The following POLR1A variants were observed in gnomAD, a reference collection of about 807,000 sequenced individuals.
POLR1A encodes the protein RNA polymerase I subunit A, also known as DNA-directed RNA polymerase I subunit RPA1.
POLR1A carries 84 observed loss-of-function variants against 205.3 expected under a neutral mutation model. The ratio of observed to expected loss-of-function variants is 0.41; its 90% CI spans 0.34 to 0.49. The LOEUF is 0.49. POLR1A is among the 20% of genes least tolerant of loss of function. The pLI is 0.22. For missense variants in POLR1A, 1,645 were observed against 2,204.5 expected (o/e 0.75, Z 5.08); for synonymous variants, 799 against 863.7 (o/e 0.93, Z 1.31).
chr2:86,089,552 T>A (rs573888288), intron 4 of POLR1A, among the ~76,000 whole-genome samples: 6 of 152,360 alleles, frequency 3.9e-5, no homozygotes, highest in African/African-American at 1.2e-4. Context: ...CCTGCTGCCA[T>A]TTTTTAAGAA....
intron 24 of POLR1A, among the ~76,000 whole-genome samples, chr2:86,041,259 G>C (rs1416408690): frequency 6.7e-6 from 1 of 149,378 alleles, no homozygotes; most frequent in African/African-American, 2.5e-5. Flanking sequence ...GTGTGTGTGT[G>C]TGTGTGTGCT....
At chr2:86,066,848 T>C in intron 13 of POLR1A, among the ~76,000 whole-genome samples, 1 of 152,340 alleles carries the variant, frequency 6.6e-6, no homozygotes, top group East Asian at 1.9e-4. Flanking sequence ...CAGCCCCTCT[T>C]ATGAAGGCTT....
At chr2:86,040,678 G>A (rs531702596) in intron 24 of POLR1A, 119 bp from the exon 25 acceptor site, 6 of 746,106 alleles carry the variant, frequency 8.0e-6, no homozygotes, top group African/African-American at 3.5e-5. Flanking sequence ...TTCTGGACTC[G>A]TTTTTCCTAG....
At position 86,024,616 on chromosome 2, in the gene POLR1A, C is replaced by T. The variant is rs1690224366; in HGVS notation, c.*2807G>A. ...GAGACACTAAAAAAAATTAACTGGC[C>T]AGGCACGGTGGCTCACACCACCCAG... On this transcript the variant is annotated 3_prime_UTR_variant, in exon 34 of 34. Transcript: ENST00000263857. The T allele has an allele frequency of 6.6e-6, 1 of 152,178 alleles. No individual in the cohort carries two copies. Among genetic ancestry groups the T allele is most frequent in the African/African-American group, 2.4e-5 (1 of 41,418 alleles). 9.4% of individuals were successfully genotyped at this position (152,178 alleles called of 1,614,324 possible).
At chr2:86,030,831 G>A (rs1280218477) in intron 30 of POLR1A, among the ~76,000 whole-genome samples, 1 of 152,204 alleles carries the variant, frequency 6.6e-6, no homozygotes, top group Non-Finnish European at 1.5e-5. Context: ...GATCATCCAG[G>A]CTTTAAGGGA....
intron 1 of POLR1A, among the ~76,000 whole-genome samples, 171 bp from the exon 2 acceptor site, chr2:86,100,343 A>G (rs1297255993): frequency 6.6e-6 from 1 of 152,164 alleles, no homozygotes; most frequent in Non-Finnish European, 1.5e-5. Flanking sequence ...CAGAGTTGGT[A>G]CCCAATAGTT....
chr2:86,051,885 T>C (rs935636822), intron 16 of POLR1A, among the ~76,000 whole-genome samples: 1 of 152,204 alleles, frequency 6.6e-6, no homozygotes, highest in Non-Finnish European at 1.5e-5. Flanking sequence ...CCTCTTCGTG[T>C]CTTAGGATCA....
Position 86,070,177 on chromosome 2 carries a change from C to A in POLR1A, c.1707G>T (p.Leu569=). Residue 569 remains leucine (L), a synonymous_variant, in exon 13 of 34, where the codon CTG becomes CTT. Coordinates refer to ENST00000263857, the MANE Select transcript of POLR1A (RefSeq NM_015425.6). The surrounding 1 kb of genome is among the most constrained non-coding windows in gnomAD (Gnocchi z 4.4). ...PSIQAHRARI[L]PEEKVLRLHY... Reference sequence around the variant, plus strand: ...GGAGCCGCAGCACTTTCTCTTCAGGCAGGATGCGGGCACGGTGGGCCTGGA... The same window carrying A: ...GGAGCCGCAGCACTTTCTCTTCAGGAAGGATGCGGGCACGGTGGGCCTGGA... 1 of 1,614,182 alleles carries A rather than the reference C, an allele frequency of 6.2e-7. No individual in the cohort carries two copies. The highest frequency in any genetic ancestry group is 2.2e-5 in the East Asian group (1 of 44,890).
Position 86,027,393 on chromosome 2 carries a change from G to T in POLR1A, c.*30C>A. On this transcript the variant is annotated 3_prime_UTR_variant, in exon 34 of 34. Coordinates refer to ENST00000263857, the MANE Select transcript of POLR1A (RefSeq NM_015425.6). Reference sequence around the variant, plus strand: ...GGCCACGCCCTCACCAAGGGTCCTTGGAGCTGGGCAGATGGTGCCGGGGTA... The same window carrying T: ...GGCCACGCCCTCACCAAGGGTCCTTTGAGCTGGGCAGATGGTGCCGGGGTA... The T allele has an allele frequency of 1.3e-6, 2 of 1,574,710 alleles. No homozygotes were observed. The highest frequency in any genetic ancestry group is 1.1e-5 in the South Asian group (1 of 90,324).
rs1573804664 is a variant in POLR1A at position 86,038,790 on chromosome 2, T to C, written c.3944A>G (p.Tyr1315Cys). The C allele has an allele frequency of 3.7e-6, 6 of 1,614,006 alleles. No homozygotes were observed. The highest frequency in any genetic ancestry group is 5.1e-6 in the Non-Finnish European group (6 of 1,179,884). The change falls in exon 27 of 34, where the codon TAC (tyrosine) becomes TGC (cysteine). Residue 1315 changes from tyrosine (Y) to cysteine (C), a missense_variant. By Grantham distance (194) the Tyr-to-Cys change is radical. Around this residue, in one of 16 missense-constraint regions of POLR1A, gnomAD observed 394 missense variants for 468.5 expected, o/e 0.84. Transcript: ENST00000263857. ...MEEKQNKFQVYQLRFQFLPHA... is the reference protein window; with the variant it reads ...MEEKQNKFQVCQLRFQFLPHA... ...TGGCAGGAACTGAAACCGCAGCTGG[T>C]ACACCTGGAATTTGTTCTGTTTTTC...
chr2:86,036,675 C>A (rs913140086), intron 27 of POLR1A, among the ~76,000 whole-genome samples: 3 of 152,168 alleles, frequency 2.0e-5, no homozygotes, highest in African/African-American at 4.8e-5. Context: ...GAGTCCAGAC[C>A]GCACCCAGCT....
rs1003698284 is a variant in POLR1A, at chr2:86,070,188, C to T, written c.1696G>A (p.Ala566Thr). Residue 566 changes from alanine to threonine, a missense_variant, in exon 13 of 34, where the codon GCC becomes ACC. Physicochemically the swap from Ala to Thr is moderately conservative, Grantham distance 58. Around this residue, in one of 16 missense-constraint regions of POLR1A, gnomAD observed 17 missense variants for 29.4 expected, o/e 0.58. Coordinates refer to ENST00000263857, the MANE Select transcript of POLR1A (RefSeq NM_015425.6). The surrounding 1 kb of genome is among the most constrained non-coding windows in gnomAD (Gnocchi z 4.4). ...LHRPSIQAHR[A>T]RILPEEKVLR... ...ACTTTCTCTTCAGGCAGGATGCGGG[C>T]ACGGTGGGCCTGGATGGAGGGTCTG... is the stretch of plus-strand genomic sequence containing the variant. 6.2e-7 allele frequency: 1 copy of T among 1,614,182 alleles called. No individual in the cohort carries two copies.
In POLR1A at chr2:86,080,936, A is replaced by G. The variant is rs372688066; in HGVS notation, c.966T>C (p.Asn322=). ...VSRLGDQMFT[N]GQTVNLQAVM... ...CAGCCTGCAAGTTCACCGTCTGGCC[A>G]TTAGTAAACATCTGGTCTCCTAGGC... Residue 322 remains asparagine, a synonymous_variant, in exon 9 of 34, where the codon AAT becomes AAC. Transcript: ENST00000263857. The G allele has an allele frequency of 7.6e-5, 122 of 1,613,944 alleles. No homozygotes were observed. The highest frequency in any genetic ancestry group is 9.6e-5 in the Non-Finnish European group (113 of 1,179,934).
Position 86,028,407 on chromosome 2 carries a change from G to C in POLR1A, c.4897+187C>G, listed in dbSNP as rs1243761970. On this transcript the variant is annotated intron_variant, in intron 32 of 33. Coordinates refer to ENST00000263857, the MANE Select transcript of POLR1A (RefSeq NM_015425.6). This position sits in a 1 kb window ranked among gnomAD's most constrained non-coding sequence, Gnocchi z 4.5. ...CACCACTGAAGCGGTCTCAGTGATGGGAGACGTCACCTCTTCACAGATCTG... is the reference window on the plus strand; with the variant it reads ...CACCACTGAAGCGGTCTCAGTGATGCGAGACGTCACCTCTTCACAGATCTG... Among the ~76,000 whole-genome samples, 1 of 152,164 alleles carries C rather than the reference G, an allele frequency of 6.6e-6. No individual in the cohort carries two copies. The highest frequency in any genetic ancestry group is 1.5e-5 in the Non-Finnish European group (1 of 68,034).
chr2:86,055,932 G>A (rs1043547393), intron 14 of POLR1A, among the ~76,000 whole-genome samples: 5 of 152,036 alleles, frequency 3.3e-5, no homozygotes, highest in African/African-American at 9.7e-5. Flanking sequence ...TTCTAGCCAG[G>A]GCAGTTAGGC....
Position 86,080,430 on chromosome 2 carries a change from C to T in POLR1A, c.1086+386G>A, listed in dbSNP as rs78746618. On this transcript the variant is annotated intron_variant, in intron 9 of 33. Coordinates refer to ENST00000263857, the MANE Select transcript of POLR1A (RefSeq NM_015425.6). ...CTCTAGTACTGTGACCCAAAAGGGACACTCTTAAAGCCTGAGGGAAGTAGG... is the reference window on the plus strand; with the variant it reads ...CTCTAGTACTGTGACCCAAAAGGGATACTCTTAAAGCCTGAGGGAAGTAGG... 7.1e-3 allele frequency among the ~76,000 whole-genome samples: 1,088 copies of T among 152,320 alleles called. 15 individuals carry two copies. The highest frequency in any genetic ancestry group is 0.024 in the African/African-American group (1,013 of 41,568).
chr2:86,065,700 G>T (rs900995382), intron 13 of POLR1A: 1 of 507,868 alleles, frequency 2.0e-6, no homozygotes, highest in Non-Finnish European at 3.5e-6. Context: ...CCTATATCAA[G>T]ACTGCTTCAA....
At position 86,064,811 on chromosome 2, in the gene POLR1A, G is replaced by A. The variant is rs138174329; in HGVS notation, c.2058+463C>T. Among the ~76,000 whole-genome samples, 1,080 of 151,742 alleles carry A rather than the reference G, an allele frequency of 7.1e-3. 14 individuals are homozygous for A. The highest frequency in any genetic ancestry group is 0.025 in the African/African-American group (1,024 of 41,354). On this transcript the variant is annotated intron_variant, in intron 14 of 33. Coordinates refer to ENST00000263857, the MANE Select transcript of POLR1A (RefSeq NM_015425.6). ...ACTCTGTTGCCCAGGCAGGAGTGCA[G>A]TGGCTGATCCTGACTCACTACAACC...
In POLR1A at chr2:86,028,610, A is replaced by G. The variant is rs1273683054; in HGVS notation, c.4881T>C (p.Asp1627=). 2 of 1,613,532 alleles carry G rather than the reference A, an allele frequency of 1.2e-6. No homozygotes were observed. The highest frequency in any genetic ancestry group is 1.7e-6 in the Non-Finnish European group (2 of 1,179,448). The part of the protein sequence containing the change: ...ALRVIEKEIK[D]VFAVYGIAVD... ...TCCCCTTACCATACACGGCAAACAC[A>G]TCCTTGATCTCCTTCTCGATCACCC... The change falls in exon 32 of 34, where the codon GAT becomes GAC. Residue 1627 remains aspartate (D), a synonymous_variant. Coordinates refer to ENST00000263857, the MANE Select transcript of POLR1A (RefSeq NM_015425.6). The surrounding 1 kb of genome is among the most constrained non-coding windows in gnomAD (Gnocchi z 4.5).
Sources: gnomAD v4.1 joint callset for allele counts (sites outside exome capture counted in the v4.1 genomes callset) on GRCh38, gnomAD v4.1.1 for gene constraint, gnomAD v4.1.1 regional missense constraint, Gnocchi (gnomAD v3.1) non-coding constraint, MANE v1.5 for transcripts, NCBI Gene and HGNC (gene_info 2026-07-23, HGNC 2026-07-21) for gene names.